NXPH1: variants seen among roughly 807,000 people sequenced by gnomAD.
NXPH1 encodes neurexophilin 1.
Under a neutral mutation model 23.7 loss-of-function variants are expected in NXPH1, and 5 were observed. That is an observed-to-expected ratio of 0.21 (90% CI 0.11 to 0.44). NXPH1 has a LOEUF of 0.44. NXPH1 is among the 20% of genes least tolerant of loss of function. NXPH1 has a pLI of 0.99. For missense variants in NXPH1, 324 were observed against 321.6 expected (o/e 1.01, Z -0.06); for synonymous variants, 144 against 122.2 (o/e 1.18, Z -1.18).
intron 2 of NXPH1, among the ~76,000 whole-genome samples, chr7:8,468,184 G>C (rs1584174979): frequency 1.3e-5 from 2 of 152,090 alleles, no homozygotes; most frequent in Non-Finnish European, 2.9e-5. Context: ...TGTAGCATAT[G>C]AGATATTCTA....
At chr7:8,496,603 A>G (rs150622932) in intron 2 of NXPH1, among the ~76,000 whole-genome samples, 54 of 152,144 alleles carry the variant, frequency 3.5e-4, no homozygotes, top group African/African-American at 1.3e-3. Flanking sequence ...TGGTCCCCAG[A>G]CAGGCTACAG....
chr7:8,737,920 G>C (rs963683700), intron 2 of NXPH1, among the ~76,000 whole-genome samples: 1 of 152,154 alleles, frequency 6.6e-6, no homozygotes, highest in African/African-American at 2.4e-5. Flanking sequence ...CCACTCGGTA[G>C]ATTCAGCTAC....
At position 8,435,796 on chromosome 7, in the gene NXPH1, C is replaced by T. The variant is rs374624244; in HGVS notation, c.54+29C>T. On this transcript the variant is annotated intron_variant, in intron 2 of 2. Transcript: ENST00000405863. The surrounding 1 kb of genome is among the most constrained non-coding windows in gnomAD (Gnocchi z 5.9). ...AGTCTTGGAAGGTTCGGGGCTTTCG[C>T]ATTTTTACCCCGGCCGGGAGGCAAG... The T allele has an allele frequency of 2.5e-5, 41 of 1,610,594 alleles. No homozygotes were observed. In the East Asian group the frequency reaches 3.3e-4, roughly 13 times the overall value.
intron 2 of NXPH1, among the ~76,000 whole-genome samples, chr7:8,678,662 G>A (rs17153624): frequency 0.02 from 3,085 of 152,058 alleles, 99 homozygotes; most frequent in African/African-American, 0.07. Flanking sequence ...CTACGGGTCC[G>A]CAGAGCCTCC....
At chr7:8,750,245 A>G (rs573147368) in intron 2 of NXPH1, among the ~76,000 whole-genome samples, 1 of 152,368 alleles carries the variant, frequency 6.6e-6, no homozygotes, top group South Asian at 2.1e-4. Context: ...AACTTTTCTA[A>G]TATGACTGTA....
chr7:8,585,148 C>G (rs917127157), intron 2 of NXPH1, among the ~76,000 whole-genome samples: 2 of 152,190 alleles, frequency 1.3e-5, no homozygotes, highest in African/African-American at 4.8e-5. Context: ...TAAAATTATT[C>G]TATGTCTGCA....
chr7:8,680,896 A>C (rs1174018061), intron 2 of NXPH1, among the ~76,000 whole-genome samples: 3 of 152,260 alleles, frequency 2.0e-5, no homozygotes, highest in Non-Finnish European at 2.9e-5. Flanking sequence ...TTAGTGCTGG[A>C]AAAGGATCAC....
intron 2 of NXPH1, among the ~76,000 whole-genome samples, chr7:8,523,213 T>C (rs1817802636): frequency 6.6e-6 from 1 of 152,218 alleles, no homozygotes. Flanking sequence ...CAAGCCCATA[T>C]CTTCCAGAGT....
chr7:8,481,320 G>C (rs192286001), intron 2 of NXPH1, among the ~76,000 whole-genome samples: 1 of 152,136 alleles, frequency 6.6e-6, no homozygotes, highest in South Asian at 2.1e-4. Context: ...AGATACCTAC[G>C]CAGAGATGTC....
At chr7:8,680,988 T>A (rs1821041135) in intron 2 of NXPH1, among the ~76,000 whole-genome samples, 2 of 152,236 alleles carry the variant, frequency 1.3e-5, no homozygotes, top group Non-Finnish European at 2.9e-5. Context: ...GTTTTACAGA[T>A]GAACAAACTG....
At chr7:8,641,362 G>C (rs1253314979) in intron 2 of NXPH1, among the ~76,000 whole-genome samples, 2 of 149,950 alleles carry the variant, frequency 1.3e-5, no homozygotes, top group East Asian at 2.0e-4. Flanking sequence ...TCCCAACTCT[G>C]TGTTCAGGGA....
intron 2 of NXPH1, among the ~76,000 whole-genome samples, chr7:8,448,891 G>A (rs1467678018): frequency 6.7e-6 from 1 of 150,234 alleles, no homozygotes; most frequent in East Asian, 1.9e-4. Context: ...GAAGAGACAA[G>A]TCATCAATAG....
At chr7:8,687,942 CA>C (rs1821171896) in intron 2 of NXPH1, among the ~76,000 whole-genome samples, 3 of 152,046 alleles carry the variant, frequency 2.0e-5, no homozygotes, top group Admixed American at 6.6e-5. Flanking sequence ...CCACGTGGTA[CA>C]AATACATGCA....
chr7:8,708,441 A>G (rs1331297103), intron 2 of NXPH1, among the ~76,000 whole-genome samples: 1 of 151,946 alleles, frequency 6.6e-6, no homozygotes, highest in Non-Finnish European at 1.5e-5. Context: ...GCTCACTGCA[A>G]CCTCATCCTC....
At chr7:8,706,548 C>G (rs942275720) in intron 2 of NXPH1, among the ~76,000 whole-genome samples, 1 of 152,206 alleles carries the variant, frequency 6.6e-6, no homozygotes, top group Non-Finnish European at 1.5e-5. Context: ...AACAAAGGCA[C>G]TGCCAGAGAA....
intron 2 of NXPH1, among the ~76,000 whole-genome samples, chr7:8,661,539 A>C (rs1820673452): frequency 6.6e-6 from 1 of 152,128 alleles, no homozygotes; most frequent in Non-Finnish European, 1.5e-5. Flanking sequence ...AAAAGAGGGG[A>C]GAGGAAGGGG....
chr7:8,488,222 C>T lies in NXPH1; in HGVS notation c.54+52455C>T, dbSNP rs182140858. Among the ~76,000 whole-genome samples, 2 of 152,172 alleles carry T rather than the reference C, an allele frequency of 1.3e-5. 1 individual carries two copies. Among genetic ancestry groups the T allele is most frequent in the African/African-American group, 4.8e-5 (2 of 41,532 alleles). On this transcript the variant is annotated intron_variant, in intron 2 of 2. Coordinates refer to ENST00000405863, the MANE Select transcript of NXPH1 (RefSeq NM_152745.3). Reference sequence around the variant, plus strand: ...TTCTTCTTTTACCACTATCCCATACCATGGGACACATACTATATCTTACAT... The same window carrying T: ...TTCTTCTTTTACCACTATCCCATACTATGGGACACATACTATATCTTACAT...
chr7:8,746,843 C>T (rs559159607), intron 2 of NXPH1, among the ~76,000 whole-genome samples: 5 of 147,054 alleles, frequency 3.4e-5, no homozygotes, highest in African/African-American at 1.3e-4. Context: ...TTTCTTCTCC[C>T]CCGCTTTCCC....
At chr7:8,501,867 G>A (rs1231096476) in intron 2 of NXPH1, among the ~76,000 whole-genome samples, 1 of 152,074 alleles carries the variant, frequency 6.6e-6, no homozygotes. Flanking sequence ...CAATGAAGAC[G>A]GCAATTAGAG....
Sources: gnomAD v4.1 joint callset for allele counts (sites outside exome capture counted in the v4.1 genomes callset) on GRCh38, gnomAD v4.1.1 for gene constraint, Gnocchi (gnomAD v3.1) non-coding constraint, MANE v1.5 for transcripts, NCBI Gene and HGNC (gene_info 2026-07-23, HGNC 2026-07-21) for gene names.